MAGI2: variants seen among roughly 807,000 people sequenced by gnomAD.
MAGI2 encodes membrane associated guanylate kinase, WW and PDZ domain containing 2, also known as membrane-associated guanylate kinase, WW and PDZ domain-containing protein 2.
A neutral mutation model predicts 133.3 loss-of-function variants in MAGI2; 35 were observed. That is an observed-to-expected ratio of 0.26 (90% CI 0.20 to 0.35). The LOEUF (loss-of-function observed/expected upper bound fraction) is 0.35, where lower values mean the gene tolerates loss of function less well. Among genes scored for constraint, MAGI2 ranks in the 10% least tolerant of loss-of-function variants. MAGI2 has a pLI of 1.00. For missense variants in MAGI2, 1,636 were observed against 1,863.4 expected (o/e 0.88, Z 2.25); for synonymous variants, 729 against 710.6 (o/e 1.03, Z -0.41).
chr7:79,156,496 A>G (rs146465053), intron 1 of MAGI2, among the ~76,000 whole-genome samples: 3 of 152,242 alleles, frequency 2.0e-5, no homozygotes, highest in Non-Finnish European at 4.4e-5. Flanking sequence ...GGTCTCCACA[A>G]TCTTTTATCT....
In MAGI2 at chr7:78,160,906, A is replaced by G. The variant is rs1824907766; in HGVS notation, c.2597-633T>C. On this transcript the variant is annotated intron_variant, in intron 15 of 21. Transcript: ENST00000354212. ...TATAATATTCTGCTAGCCTAGAAGTATTGATTTACTTCATGTATGTGGAAA... is the reference window on the plus strand; with the variant it reads ...TATAATATTCTGCTAGCCTAGAAGTGTTGATTTACTTCATGTATGTGGAAA... 2.0e-5 allele frequency among the ~76,000 whole-genome samples: 3 copies of G among 152,232 alleles called. No individual in the cohort carries two copies. In the South Asian group the frequency reaches 6.2e-4, roughly 32 times the overall value.
At chr7:78,698,865 A>T (rs938012684) in intron 2 of MAGI2, among the ~76,000 whole-genome samples, 5 of 152,168 alleles carry the variant, frequency 3.3e-5, no homozygotes, top group African/African-American at 1.2e-4. Context: ...CCACCCCATG[A>T]TTCAATTACC....
intron 3 of MAGI2, among the ~76,000 whole-genome samples, chr7:78,601,511 G>A (rs1414541749): frequency 6.6e-6 from 1 of 152,056 alleles, no homozygotes; most frequent in African/African-American, 2.4e-5. Context: ...TAGAATTCCT[G>A]TCTGCCTTAC....
intron 6 of MAGI2, among the ~76,000 whole-genome samples, chr7:78,451,340 G>A (rs577958231): frequency 5.9e-4 from 89 of 152,108 alleles, no homozygotes; most frequent in African/African-American, 2.1e-3. Flanking sequence ...TGTTTAGAAC[G>A]CAAAGGAAAA....
intron 1 of MAGI2, among the ~76,000 whole-genome samples, chr7:79,401,109 T>C (rs1218823181): frequency 6.6e-6 from 1 of 152,192 alleles, no homozygotes; most frequent in Non-Finnish European, 1.5e-5. Context: ...CACAGAGTAT[T>C]ATGCCATAAC....
rs139070841 is a variant in MAGI2 at position 79,105,833 on chromosome 7, GT to G, written c.302-98628del. 7.2e-3 allele frequency among the ~76,000 whole-genome samples: 1,052 copies of G among 147,068 alleles called. 18 individuals carry two copies. Among genetic ancestry groups the G allele is most frequent in the African/African-American group, 0.025 (994 of 40,172 alleles). ...TTCAAAATACTGCAATGTTCACCTG[GT>G]TTTTTTTTTCAACATTAAAAACTTG... On this transcript the variant is annotated intron_variant, in intron 1 of 21. Transcript: ENST00000354212.
chr7:78,476,496 T>C (rs1393874398), intron 6 of MAGI2, among the ~76,000 whole-genome samples: 1 of 151,982 alleles, frequency 6.6e-6, no homozygotes, highest in African/African-American at 2.4e-5. Flanking sequence ...AATTACAACT[T>C]AGTAGTAAGA....
At chr7:78,334,746 CT>C (rs1384942145) in intron 9 of MAGI2, among the ~76,000 whole-genome samples, 1 of 152,140 alleles carries the variant, frequency 6.6e-6, no homozygotes, top group Non-Finnish European at 1.5e-5. Flanking sequence ...CGGATTCTGA[CT>C]TTTGGTTCAA....
chr7:79,330,921 T>C (rs1840031414), intron 1 of MAGI2, among the ~76,000 whole-genome samples: 1 of 152,200 alleles, frequency 6.6e-6, no homozygotes, highest in African/African-American at 2.4e-5. Context: ...CTATTTTATT[T>C]GATGTTGTTA....
intron 2 of MAGI2, among the ~76,000 whole-genome samples, chr7:78,745,953 A>C (rs1466894997): frequency 1.3e-5 from 2 of 152,178 alleles, no homozygotes; most frequent in African/African-American, 4.8e-5. Context: ...CTGTCTTGTC[A>C]GGAGTAATTC....
At chr7:78,280,933 G>A (rs1795509066) in intron 9 of MAGI2, among the ~76,000 whole-genome samples, 1 of 151,668 alleles carries the variant, frequency 6.6e-6, no homozygotes, top group South Asian at 2.1e-4. Flanking sequence ...CTATGGAGGT[G>A]GGTCATCACA....
intron 10 of MAGI2, among the ~76,000 whole-genome samples, chr7:78,211,135 T>G (rs935362197): frequency 6.6e-6 from 1 of 152,104 alleles, no homozygotes; most frequent in Non-Finnish European, 1.5e-5. Context: ...AGAGAGGGTG[T>G]GATCTAGAGC....
chr7:79,405,159 G>C (rs1313196757), intron 1 of MAGI2, among the ~76,000 whole-genome samples: 1 of 152,100 alleles, frequency 6.6e-6, no homozygotes, highest in Non-Finnish European at 1.5e-5. Flanking sequence ...GCTAAGACAA[G>C]AGACATATCA....
At chr7:79,089,519 G>A (rs539491753) in intron 1 of MAGI2, among the ~76,000 whole-genome samples, 3 of 152,080 alleles carry the variant, frequency 2.0e-5, no homozygotes, top group African/African-American at 7.2e-5. Flanking sequence ...CTTTATTGCA[G>A]CACTGTTTAC....
At chr7:78,039,198 T>A (rs1271763510) in intron 21 of MAGI2, among the ~76,000 whole-genome samples, 2 of 152,216 alleles carry the variant, frequency 1.3e-5, no homozygotes, top group African/African-American at 2.4e-5. Context: ...GAGGGAAGAA[T>A]TGAAATTATA....
At chr7:79,315,891 AAGG>A (rs74839629) in intron 1 of MAGI2, among the ~76,000 whole-genome samples, 2,829 of 152,232 alleles carry the variant, frequency 0.019, 48 homozygotes, top group Middle Eastern at 0.061. Flanking sequence ...TTCTAAAATG[AAGG>A]AGGAGTGGGA....
At chr7:79,043,467 C>T (rs1383870465) in intron 1 of MAGI2, among the ~76,000 whole-genome samples, 5 of 129,720 alleles carry the variant, frequency 3.9e-5, no homozygotes, top group African/African-American at 8.9e-5. Context: ...TGCTTGAATC[C>T]GGGAGGTGGA....
chr7:79,014,678 C>A (rs1036233040), intron 1 of MAGI2, among the ~76,000 whole-genome samples: 4 of 152,018 alleles, frequency 2.6e-5, no homozygotes, highest in African/African-American at 7.2e-5. Context: ...AAGGGAAAAG[C>A]AATCTATTAG....
intron 12 of MAGI2, among the ~76,000 whole-genome samples, chr7:78,186,751 G>A (rs1252100718): frequency 6.6e-6 from 1 of 151,994 alleles, no homozygotes; most frequent in Non-Finnish European, 1.5e-5. Flanking sequence ...TTATATCTAA[G>A]TTTTAAACTT....
Sources: gnomAD v4.1 joint callset for allele counts (sites outside exome capture counted in the v4.1 genomes callset) on GRCh38, gnomAD v4.1.1 for gene constraint, MANE v1.5 for transcripts, NCBI Gene and HGNC (gene_info 2026-07-23, HGNC 2026-07-21) for gene names.